AGPS: variants seen among roughly 807,000 people sequenced by gnomAD.
AGPS encodes the protein alkylglycerone phosphate synthase.
Under a neutral mutation model 90.7 loss-of-function variants are expected in AGPS, and 26 were observed. That is an observed-to-expected ratio of 0.29 (90% CI 0.21 to 0.40). The LOEUF (loss-of-function observed/expected upper bound fraction) is 0.40, where lower values mean the gene tolerates loss of function less well. AGPS is among the 10% of genes least tolerant of loss of function. AGPS has a pLI of 1.00. For missense variants in AGPS, 540 were observed against 816.1 expected, an observed-to-expected ratio of 0.66 and a Z score of 4.12; for synonymous variants, 294 against 285.3, an observed-to-expected ratio of 1.03 and a Z score of -0.31.
At chr2:177,471,543 T>C (rs1218502090) in intron 10 of AGPS, among the ~76,000 whole-genome samples, 1 of 152,212 alleles carries the variant, frequency 6.6e-6, no homozygotes, top group African/African-American at 2.4e-5. Flanking sequence ...TTACTATATA[T>C]GGATTTGCTC....
chr2:177,398,155 C>G (rs558877898), intron 1 of AGPS, among the ~76,000 whole-genome samples: 1 of 152,310 alleles, frequency 6.6e-6, no homozygotes, highest in South Asian at 2.1e-4. Flanking sequence ...TATCCTGAAG[C>G]CTGTAAGAGC....
At chr2:177,498,886 G>A (rs1048902564) in intron 13 of AGPS, among the ~76,000 whole-genome samples, 4 of 151,540 alleles carry the variant, frequency 2.6e-5, no homozygotes, top group Non-Finnish European at 4.4e-5. Context: ...AGATTTCATT[G>A]TTGTAGGTCT....
At chr2:177,422,909 C>CAGCCAAACAGTGGCTGAACAGTATTAAT (rs372544357) in intron 2 of AGPS, among the ~76,000 whole-genome samples, 5 of 77,240 alleles carry the variant, frequency 6.5e-5, no homozygotes, top group Admixed American at 1.7e-4. Context: ...TATTGAGTAT[C>CAGCCAAACAGTGGCTGAACAGTATTAAT]TACTGAGTTA....
chr2:177,513,196 G>A (rs1359628653), intron 16 of AGPS, among the ~76,000 whole-genome samples: 1 of 152,104 alleles, frequency 6.6e-6, no homozygotes, highest in Non-Finnish European at 1.5e-5. Flanking sequence ...CTGGGCTCCA[G>A]CGATTCTCCC....
chr2:177,475,577 A>G (rs2105685512), intron 10 of AGPS, among the ~76,000 whole-genome samples: 1 of 152,304 alleles, frequency 6.6e-6, no homozygotes, highest in African/African-American at 2.4e-5. Context: ...TAATCTTATG[A>G]CTGGCTTCTT....
chr2:177,418,366 C>G (rs530911129), intron 1 of AGPS, among the ~76,000 whole-genome samples: 1 of 152,090 alleles, frequency 6.6e-6, no homozygotes, highest in African/African-American at 2.4e-5. Context: ...TACTTTGGGG[C>G]CATCTGGGGA....
At chr2:177,453,976 T>A (rs60400663) in intron 8 of AGPS, among the ~76,000 whole-genome samples, 1 of 134,174 alleles carries the variant, frequency 7.5e-6, no homozygotes, top group Non-Finnish European at 1.6e-5. Flanking sequence ...CGTGAGCCAC[T>A]GTGCCCAGCC....
chr2:177,448,622 G>T (rs1485076114), intron 8 of AGPS, among the ~76,000 whole-genome samples: 1 of 152,082 alleles, frequency 6.6e-6, no homozygotes, highest in Admixed American at 6.5e-5. Flanking sequence ...AGGCAGCTTG[G>T]ACCACAATCT....
At position 177,431,525 on chromosome 2, in the gene AGPS, C is replaced by T. The variant is rs1054291649; in HGVS notation, c.351-2802C>T. On this transcript the variant is annotated intron_variant, in intron 2 of 19. Transcript: ENST00000264167. ...CAGAGGGTAATGCAGGAGAACAGGG[C>T]GTAATTTCAGTCCTTATCTCAACTG... 5.3e-5 allele frequency among the ~76,000 whole-genome samples: 8 copies of T among 152,238 alleles called. No individual in the cohort carries two copies. In the East Asian group the frequency reaches 7.7e-4, roughly 15 times the overall value.
intron 9 of AGPS, among the ~76,000 whole-genome samples, chr2:177,465,352 C>T (rs1390044857): frequency 2.0e-5 from 3 of 152,198 alleles, no homozygotes; most frequent in East Asian, 1.9e-4. Context: ...TTAACATCTT[C>T]GTATTCATCC....
At chr2:177,473,497 C>T (rs1687687209) in intron 10 of AGPS, among the ~76,000 whole-genome samples, 1 of 151,812 alleles carries the variant, frequency 6.6e-6, no homozygotes. Context: ...AAGTGAATGA[C>T]ATACAAGCCT....
chr2:177,461,922 T>C lies in AGPS; in HGVS notation c.900T>C (p.His300=). 1 of 1,612,582 alleles carries C rather than the reference T, an allele frequency of 6.2e-7. No individual in the cohort carries two copies. Among genetic ancestry groups the C allele is most frequent in the Non-Finnish European group, 8.5e-7 (1 of 1,179,010 alleles). The part of the protein sequence containing the change: ...QLKESGYCTG[H]EPDSLEFSTV... ...AAGAAAGTGGTTATTGTACAGGTCATGAACCAGATTCCCTGGAGTTCAGTA... is the reference window on the plus strand; with the variant it reads ...AAGAAAGTGGTTATTGTACAGGTCACGAACCAGATTCCCTGGAGTTCAGTA... The change falls in exon 9 of 20, where the codon CAT becomes CAC. Residue 300 remains histidine (H), a synonymous_variant. Transcript: ENST00000264167.
At chr2:177,409,621 C>T (rs1329390202) in intron 1 of AGPS, among the ~76,000 whole-genome samples, 1 of 151,976 alleles carries the variant, frequency 6.6e-6, no homozygotes. Context: ...GGAGGTTGGC[C>T]GACGACCGCT....
At chr2:177,536,798 A>G (rs1251958316) in intron 19 of AGPS, among the ~76,000 whole-genome samples, 1 of 152,074 alleles carries the variant, frequency 6.6e-6, no homozygotes, top group Non-Finnish European at 1.5e-5. Context: ...TGAGATTATC[A>G]CAGTATTTAT....
intron 2 of AGPS, among the ~76,000 whole-genome samples, chr2:177,429,642 C>A (rs1300731861): frequency 6.6e-6 from 1 of 152,170 alleles, no homozygotes; most frequent in Non-Finnish European, 1.5e-5. Flanking sequence ...CTGGAGGTAT[C>A]ACCAGTGGAG....
intron 1 of AGPS, among the ~76,000 whole-genome samples, chr2:177,410,520 A>G (rs1277775895): frequency 6.6e-6 from 1 of 152,170 alleles, no homozygotes; most frequent in Non-Finnish European, 1.5e-5. Flanking sequence ...TTTTGCTAGA[A>G]TGTCTCTCCC....
At chr2:177,403,723 A>G (rs1685391224) in intron 1 of AGPS, among the ~76,000 whole-genome samples, 1 of 152,246 alleles carries the variant, frequency 6.6e-6, no homozygotes, top group Admixed American at 6.5e-5. Context: ...AGGTCACGCC[A>G]TAATAATGTC....
chr2:177,435,023 A>ATATATATG (rs912295185), intron 3 of AGPS, among the ~76,000 whole-genome samples: 8 of 147,010 alleles, frequency 5.4e-5, no homozygotes, highest in African/African-American at 1.5e-4. Context: ...ATATATATAT[A>ATATATATG]TGTATGAAAC....
At chr2:177,413,320 AT>A (rs1685677978) in intron 1 of AGPS, among the ~76,000 whole-genome samples, 1 of 152,130 alleles carries the variant, frequency 6.6e-6, no homozygotes, top group Non-Finnish European at 1.5e-5. Flanking sequence ...TGGCATATAG[AT>A]TTTTGGAGAC....
Sources: gnomAD v4.1 joint callset for allele counts (sites outside exome capture counted in the v4.1 genomes callset) on GRCh38, gnomAD v4.1.1 for gene constraint, MANE v1.5 for transcripts, NCBI Gene and HGNC (gene_info 2026-07-23, HGNC 2026-07-21) for gene names.